Variants in GOLGA8A observed in about 807,000 individuals in gnomAD.
GOLGA8A encodes golgin subfamily A member 8A.
GOLGA8A carries 3 observed loss-of-function variants against 22.1 expected under a neutral mutation model. The ratio of observed to expected loss-of-function variants is 0.14; its 90% CI spans 0.06 to 0.35. The LOEUF (loss-of-function observed/expected upper bound fraction) is 0.35. GOLGA8A is among the 10% of genes least tolerant of loss of function. The probability of loss-of-function intolerance (pLI) is 1.00; values close to 1 mark genes in which losing one functional copy is unlikely to be tolerated. For missense variants in GOLGA8A, 16 were observed against 233.2 expected (o/e 0.07, Z 6.07); for synonymous variants, 7 against 91.7 (o/e 0.08, Z 5.28).
intron 8 of GOLGA8A, among the ~76,000 whole-genome samples, chr15:34,392,587 TCAAA>T (rs1891803768): frequency 1.4e-5 from 1 of 71,730 alleles, no homozygotes; most frequent in Non-Finnish European, 2.7e-5. Context: ...CAAGCTAAGG[TCAAA>T]CAGTGACCTT....
intron 2 of GOLGA8A, chr15:34,409,669 AG>A (rs1887031552): frequency 1.4e-6 from 1 of 735,666 alleles, no homozygotes. Flanking sequence ...GAAGCGTCAG[AG>A]CGCGGGGAGC....
chr15:34,436,879 C>T (rs1224516074), intron 1 of GOLGA8A, among the ~76,000 whole-genome samples: 1 of 149,740 alleles, frequency 6.7e-6, no homozygotes, highest in African/African-American at 2.5e-5. Flanking sequence ...TCCCTCTGGG[C>T]CTTATTATAC....
intron 1 of GOLGA8A, among the ~76,000 whole-genome samples, chr15:34,437,054 C>G (rs1425580298): frequency 6.7e-6 from 1 of 148,676 alleles, no homozygotes; most frequent in Non-Finnish European, 1.5e-5. Flanking sequence ...GAGACGCGAG[C>G]GGGCGGCCCC....
rs1307953735 is a variant in GOLGA8A at position 34,437,120 on chromosome 15, TC to T, written c.-1212+277del. ...GTGGCCCCTCGCCGCGGTGAGCCCC[TC>T]CCGGGATGCGAAAGCCATCGCCTAG... On this transcript the variant is annotated intron_variant, in intron 1 of 24. Coordinates refer to ENST00000359187, the MANE Select transcript of GOLGA8A (RefSeq NM_181077.5). 4.2e-4 allele frequency among the ~76,000 whole-genome samples: 62 copies of T among 146,168 alleles called. 3 individuals are homozygous for T. Among genetic ancestry groups the T allele is most frequent in the African/African-American group, 1.5e-3 (61 of 39,520 alleles).
At chr15:34,435,723 A>G (rs898802070) in intron 1 of GOLGA8A, among the ~76,000 whole-genome samples, 1 of 148,370 alleles carries the variant, frequency 6.7e-6, no homozygotes, top group African/African-American at 2.5e-5. Context: ...AGCACAGACC[A>G]CACTTCCTAA....
At chr15:34,428,752 G>A (rs1176452377) in intron 2 of GOLGA8A, 1 of 147,814 alleles carries the variant, frequency 6.8e-6, no homozygotes, top group Non-Finnish European at 1.5e-5. Flanking sequence ...GCCTATCGAG[G>A]CCGTGGACAG....
intron 2 of GOLGA8A, chr15:34,417,638 C>T (rs1341495606): frequency 6.9e-5 from 10 of 145,402 alleles, no homozygotes; most frequent in East Asian, 6.6e-4. Context: ...AGAATGCATA[C>T]GGTAGTGTTT....
intron 2 of GOLGA8A, among the ~76,000 whole-genome samples, chr15:34,434,969 C>A (rs114038697): frequency 6.7e-6 from 1 of 149,444 alleles, no homozygotes; most frequent in Non-Finnish European, 1.5e-5. Flanking sequence ...TGATCTCTGC[C>A]GAAGACATTC....
intron 2 of GOLGA8A, chr15:34,409,617 A>AGTCTACCATGGCCCACCGGAAGC (rs1256118615): frequency 2.3e-5 from 12 of 531,970 alleles, no homozygotes; most frequent in African/African-American, 3.9e-5. Context: ...CCACCAGAAG[A>AGTCTACCATGGCCCACCGGAAGC]GTCTACCATG....
In GOLGA8A at chr15:34,430,860, G is replaced by C. The variant is rs532379359; in HGVS notation, c.-1123+4523C>G. Among the ~76,000 whole-genome samples the C allele has an allele frequency of 6.3e-4, 94 of 149,884 alleles. 6 individuals are homozygous for C. The South Asian group carries it at 0.017, about 27-fold the overall frequency. ...ACGCTCTACAGCTGGCTCACACGTG[G>C]AGGCAGAGCCTGGCTTCCCAGAGCT... On this transcript the variant is annotated intron_variant, in intron 2 of 24. Transcript: ENST00000359187.
intron 2 of GOLGA8A, among the ~76,000 whole-genome samples, chr15:34,433,258 C>T (rs1893337776): frequency 6.7e-6 from 1 of 149,070 alleles, no homozygotes. Flanking sequence ...ACATTAGGTA[C>T]AGGACAAGTT....
intron 2 of GOLGA8A, among the ~76,000 whole-genome samples, chr15:34,421,112 C>T (rs544298173): frequency 3.6e-4 from 50 of 140,732 alleles, no homozygotes; most frequent in African/African-American, 1.2e-3. Flanking sequence ...CATGGGCCCT[C>T]GAGATCACAC....
rs548384346 is a variant in GOLGA8A, at chr15:34,430,478, G to T, written c.-1123+4905C>A. ...TCCCGAGACAATCAGCCATCAATCT[G>T]ACCCACTCAGTCCTGCCTCAGGGGC... On this transcript the variant is annotated intron_variant, in intron 2 of 24. Coordinates refer to ENST00000359187, the MANE Select transcript of GOLGA8A (RefSeq NM_181077.5). Among the ~76,000 whole-genome samples, 169 of 149,158 alleles carry T rather than the reference G, an allele frequency of 1.1e-3. 17 individuals carry two copies. In the South Asian group the frequency reaches 0.036, roughly 32 times the overall value.
intron 2 of GOLGA8A, among the ~76,000 whole-genome samples, chr15:34,430,929 G>T (rs1396508861): frequency 2.0e-5 from 3 of 149,162 alleles, no homozygotes; most frequent in African/African-American, 5.0e-5. Flanking sequence ...CCACACCCGT[G>T]ACAGCTGCCA....
At chr15:34,430,951 T>C (rs1893201758) in intron 2 of GOLGA8A, among the ~76,000 whole-genome samples, 1 of 149,022 alleles carries the variant, frequency 6.7e-6, no homozygotes, top group Admixed American at 6.8e-5. Context: ...CAGCTCCGGA[T>C]AATTCAGACA....
Position 34,414,719 on chromosome 15 carries a change from G to A in GOLGA8A, c.-1122-6984C>T, listed in dbSNP as rs568373838. On this transcript the variant is annotated intron_variant, in intron 2 of 24. Transcript: ENST00000359187. ...AGGGTTGGTGAAGATTTTCTCATTT[G>A]AGAACTGAACAAAACCAAATGGAAT... Among the ~76,000 whole-genome samples the A allele has an allele frequency of 4.5e-5, 6 of 134,194 alleles. 1 individual carries two copies. Among genetic ancestry groups the A allele is most frequent in the South Asian group, 2.4e-4 (1 of 4,118 alleles). 88.0% of individuals were successfully genotyped at this position (134,194 alleles called of 152,430 possible).
chr15:34,422,758 G>A (rs1892836071), intron 2 of GOLGA8A, among the ~76,000 whole-genome samples: 1 of 107,040 alleles, frequency 9.3e-6, no homozygotes, highest in South Asian at 3.4e-4. Context: ...TGCTGATTCT[G>A]CAGGCATTCT....
intron 2 of GOLGA8A, among the ~76,000 whole-genome samples, chr15:34,432,169 C>G (rs1318982507): frequency 6.7e-6 from 1 of 149,234 alleles, no homozygotes; most frequent in Admixed American, 6.8e-5. Flanking sequence ...CAGCCACCTT[C>G]CTGGAGGGCT....
chr15:34,434,207 T>C (rs370701557), intron 2 of GOLGA8A, among the ~76,000 whole-genome samples: 3 of 149,052 alleles, frequency 2.0e-5, no homozygotes, highest in African/African-American at 4.9e-5. Context: ...GCGGGGGAAC[T>C]TGAGAAAAAT....
Sources: gnomAD v4.1 joint callset for allele counts (sites outside exome capture counted in the v4.1 genomes callset) on GRCh38, gnomAD v4.1.1 for gene constraint, MANE v1.5 for transcripts, NCBI Gene and HGNC (gene_info 2026-07-23, HGNC 2026-07-21) for gene names.